Variants in DOCK4 observed in about 807,000 individuals in gnomAD.
DOCK4 encodes dedicator of cytokinesis protein 4.
A neutral mutation model predicts 268.1 loss-of-function variants in DOCK4; 97 were observed. That is an observed-to-expected ratio of 0.36 (90% CI 0.31 to 0.43). The LOEUF is 0.43. DOCK4 is among the 20% of genes least tolerant of loss of function. DOCK4 has a pLI of 1.00. For missense variants in DOCK4, 2,145 were observed against 2,455.7 expected (o/e 0.87, Z 2.67); for synonymous variants, 954 against 887.2 (o/e 1.08, Z -1.34).
At chr7:111,755,636 T>C (rs376961242) in intron 41 of DOCK4, 35 bp from the exon 42 acceptor site, 1 of 1,600,452 alleles carries the variant, frequency 6.2e-7, no homozygotes, top group Non-Finnish European at 8.6e-7. Context: ...TCTCCCAAGT[T>C]GCCCTTCTTT....
rs549074797 is a variant in DOCK4, at chr7:111,795,050, A to G, written c.3167-4445T>C. Among the ~76,000 whole-genome samples the G allele has an allele frequency of 7.2e-5, 11 of 152,174 alleles. No homozygotes were observed. In the South Asian group the frequency reaches 2.3e-3, roughly 32 times the overall value. ...ATTTTTTTTATCTTTCTGATGGGAG[A>G]GTGCAATCACATGTGTCATTTGTCC... is the stretch of plus-strand genomic sequence containing the variant. On this transcript the variant is annotated intron_variant, in intron 30 of 52. Coordinates refer to ENST00000428084, the MANE Select transcript of DOCK4 (RefSeq NM_001363540.2).
At chr7:112,180,613 G>A (rs1563162966) in intron 1 of DOCK4, among the ~76,000 whole-genome samples, 1 of 152,158 alleles carries the variant, frequency 6.6e-6, no homozygotes, top group African/African-American at 2.4e-5. Context: ...TTAAGGAGCT[G>A]TGTCCGTGCC....
intron 1 of DOCK4, among the ~76,000 whole-genome samples, chr7:112,025,824 A>G (rs957733087): frequency 1.2e-4 from 18 of 152,168 alleles, no homozygotes; most frequent in African/African-American, 3.9e-4. Context: ...CCTTCTGCTG[A>G]GAACAGCCCC....
chr7:112,181,841 A>G (rs1439346423), intron 1 of DOCK4, among the ~76,000 whole-genome samples: 1 of 152,156 alleles, frequency 6.6e-6, no homozygotes, highest in African/African-American at 2.4e-5. Flanking sequence ...TTCAGTGGAC[A>G]TATACAACCT....
chr7:112,048,830 T>C (rs1054093535), intron 1 of DOCK4, among the ~76,000 whole-genome samples: 3 of 152,134 alleles, frequency 2.0e-5, no homozygotes, highest in Admixed American at 2.0e-4. Flanking sequence ...AGGTTTGTTA[T>C]GTAGGTAAAC....
intron 42 of DOCK4, among the ~76,000 whole-genome samples, chr7:111,750,077 A>G (rs972651512): frequency 5.3e-5 from 8 of 152,224 alleles, no homozygotes; most frequent in African/African-American, 1.7e-4. Flanking sequence ...GTTCACCACT[A>G]AAATGAATAA....
At chr7:111,993,884 G>A (rs1026166249) in intron 5 of DOCK4, among the ~76,000 whole-genome samples, 2 of 152,144 alleles carry the variant, frequency 1.3e-5, no homozygotes, top group African/African-American at 4.8e-5. Context: ...ATAGGTCCAT[G>A]TAAACCATCC....
intron 24 of DOCK4, 86 bp downstream of exon 24, chr7:111,846,913 T>C: frequency 2.1e-6 from 3 of 1,438,914 alleles, no homozygotes; most frequent in Non-Finnish European, 2.8e-6. Flanking sequence ...GCTTCCTCTT[T>C]AGTGCGGTTT....
chr7:111,792,443 C>G (rs566136316), intron 30 of DOCK4, among the ~76,000 whole-genome samples: 28 of 152,250 alleles, frequency 1.8e-4, no homozygotes, highest in African/African-American at 6.3e-4. Flanking sequence ...AGTGCAATGG[C>G]ACAATCTCGG....
chr7:111,822,487 TG>T, intron 26 of DOCK4, 31 bp from the exon 27 acceptor site: 1 of 1,565,184 alleles, frequency 6.4e-7, no homozygotes, highest in Non-Finnish European at 8.7e-7. Flanking sequence ...ATCATTTTAT[TG>T]GTTTATTGTA....
intron 1 of DOCK4, among the ~76,000 whole-genome samples, chr7:112,197,307 A>AC (rs1365173188): frequency 1.3e-5 from 2 of 152,050 alleles, no homozygotes; most frequent in Non-Finnish European, 2.9e-5. Flanking sequence ...AAAAAAAAAA[A>AC]AACTGTATGT....
chr7:112,023,654 C>A lies in DOCK4; in HGVS notation c.38-19523G>T, dbSNP rs758222455. The A allele has an allele frequency of 1.2e-4, 54 of 453,626 alleles. No individual in the cohort carries two copies. In the Middle Eastern group the frequency reaches 2.6e-3, roughly 22 times the overall value. 28.1% of individuals were successfully genotyped at this position (453,626 alleles called of 1,614,324 possible). On this transcript the variant is annotated intron_variant, in intron 1 of 52. Coordinates refer to ENST00000428084, the MANE Select transcript of DOCK4 (RefSeq NM_001363540.2). ...TTTTTAAAAACTCTGTCCTTGGAAT[C>A]CAACCACTAGAATACTAATGAAAGA...
At chr7:111,875,941 G>T (rs1403943076) in intron 17 of DOCK4, among the ~76,000 whole-genome samples, 2 of 152,134 alleles carry the variant, frequency 1.3e-5, no homozygotes, top group Non-Finnish European at 2.9e-5. Context: ...AGTTAAACAT[G>T]AATGCAAACT....
intron 1 of DOCK4, among the ~76,000 whole-genome samples, chr7:112,188,550 C>T (rs1202318114): frequency 1.3e-5 from 2 of 152,202 alleles, no homozygotes; most frequent in African/African-American, 2.4e-5. Flanking sequence ...AGCTTTATTA[C>T]ATCAGTGGTG....
In DOCK4 at chr7:111,729,469, C is replaced by A. The variant is rs116509539; in HGVS notation, c.5482-749G>T. 7.9e-3 allele frequency among the ~76,000 whole-genome samples: 1,200 copies of A among 152,178 alleles called. 12 individuals carry two copies. The highest frequency in any genetic ancestry group is 0.028 in the African/African-American group (1,156 of 41,506). ...AGTTCCTCTGGGAGGATCACCTGAA[C>A]CTTGGGAGGTTGAGACTGCAGTGAG... On this transcript the variant is annotated intron_variant, in intron 52 of 52. Coordinates refer to ENST00000428084, the MANE Select transcript of DOCK4 (RefSeq NM_001363540.2).
intron 12 of DOCK4, among the ~76,000 whole-genome samples, chr7:111,925,362 G>C (rs1052309859): frequency 6.6e-6 from 1 of 152,156 alleles, no homozygotes; most frequent in South Asian, 2.1e-4. Flanking sequence ...TTTACACTGG[G>C]AGGTCAGAGA....
intron 25 of DOCK4, among the ~76,000 whole-genome samples, chr7:111,835,104 T>C (rs1803135072): frequency 6.6e-6 from 1 of 152,110 alleles, no homozygotes; most frequent in African/African-American, 2.4e-5. Context: ...TTGAAGAAGG[T>C]AAAATGTAGT....
intron 25 of DOCK4, chr7:111,840,894 T>C (rs1803634369): frequency 1.6e-6 from 2 of 1,272,226 alleles, no homozygotes; most frequent in South Asian, 2.3e-5. Flanking sequence ...ATAAAGAAAT[T>C]CAACAGATCT....
chr7:111,976,796 T>A, intron 8 of DOCK4: 1 of 178,220 alleles, frequency 5.6e-6, no homozygotes, highest in South Asian at 1.5e-4. Flanking sequence ...CTGACTGTGA[T>A]AAGCAAACTT....
Sources: gnomAD v4.1 joint callset for allele counts (sites outside exome capture counted in the v4.1 genomes callset) on GRCh38, gnomAD v4.1.1 for gene constraint, MANE v1.5 for transcripts, NCBI Gene and HGNC (gene_info 2026-07-23, HGNC 2026-07-21) for gene names.